TCERG1: variants seen among roughly 807,000 people sequenced by gnomAD.
The protein encoded by TCERG1 is TATA box binding protein (TBP)-associated factor, RNA polymerase II, S, 150kD.
In TCERG1, 37 loss-of-function variants were observed where a neutral mutation model predicts 144.7. That is an observed-to-expected ratio of 0.26 (90% CI 0.20 to 0.34). TCERG1 has a LOEUF of 0.34. TCERG1 is among the 10% of genes least tolerant of loss of function. TCERG1 has a pLI of 1.00. For synonymous variants in TCERG1, 492 were observed against 458.2 expected (o/e 1.07, Z -0.94); for missense variants, 1,027 against 1,380.7 (o/e 0.74, Z 4.06).
At position 146,470,655 on chromosome 5, in the gene TCERG1, T is replaced by G. The variant is rs562829737; in HGVS notation, c.1419T>G (p.Ile473Met). Residue 473 changes from isoleucine (I) to methionine (M), a missense_variant, in exon 8 of 23, where the codon ATT becomes ATG. Ile to Met is a conservative substitution (Grantham distance 10, BLOSUM62 1). This residue lies in a region of TCERG1 where 482 missense variants were observed against 632.6 expected (regional missense o/e 0.76). Coordinates refer to ENST00000679501, the MANE Select transcript of TCERG1 (RefSeq NM_001382548.1). Reference protein sequence around the residue: ...LKEKEKLEEKIKEPIKEPSEE... With the variant: ...LKEKEKLEEKMKEPIKEPSEE... Reference sequence around the variant, plus strand: ...TCATAGAAAAGTTAGAAGAGAAGATTAAAGAGCCAATTAAAGAACCCTCTG... The same window carrying G: ...TCATAGAAAAGTTAGAAGAGAAGATGAAAGAGCCAATTAAAGAACCCTCTG... 1.9e-6 allele frequency: 3 copies of G among 1,607,150 alleles called. No homozygotes were observed. The highest frequency in any genetic ancestry group is 1.7e-5 in the Admixed American group (1 of 58,106).
chr5:146,504,890 T>C (rs1767807797), intron 19 of TCERG1, among the ~76,000 whole-genome samples: 1 of 151,878 alleles, frequency 6.6e-6, no homozygotes. Context: ...CTAATAAAAA[T>C]ACAAAATTAG....
intron 2 of TCERG1, among the ~76,000 whole-genome samples, chr5:146,456,610 T>C (rs186591142): frequency 2.5e-4 from 38 of 152,336 alleles, no homozygotes; most frequent in African/African-American, 8.2e-4. Context: ...AAGACATTTT[T>C]AGGAAAATAA....
At chr5:146,496,021 T>A (rs964167313) in intron 16 of TCERG1, among the ~76,000 whole-genome samples, 4 of 152,006 alleles carry the variant, frequency 2.6e-5, no homozygotes, top group Admixed American at 6.6e-5. Context: ...GGTGTGGTGG[T>A]GGGCGCCTGT....
intron 22 of TCERG1, among the ~76,000 whole-genome samples, chr5:146,509,672 A>G (rs3797303): frequency 0.14 from 21,156 of 151,530 alleles, 2,488 homozygotes; most frequent in East Asian, 0.72. Flanking sequence ...AGCTCAGCAT[A>G]AACATTTTTT....
chr5:146,492,080 A>G (rs534197285), intron 15 of TCERG1, among the ~76,000 whole-genome samples: 8 of 152,326 alleles, frequency 5.3e-5, no homozygotes, highest in Non-Finnish European at 1.0e-4. Context: ...GGCAGTGCCC[A>G]GAAACATTAA....
At chr5:146,499,340 T>A (rs931708478) in intron 17 of TCERG1, among the ~76,000 whole-genome samples, 15 of 152,236 alleles carry the variant, frequency 9.9e-5, no homozygotes, top group African/African-American at 3.6e-4. Flanking sequence ...ATTCTTGACA[T>A]TTAAAATTGC....
At chr5:146,485,388 T>A (rs1026566499) in intron 15 of TCERG1, among the ~76,000 whole-genome samples, 8 of 152,228 alleles carry the variant, frequency 5.3e-5, no homozygotes, top group Non-Finnish European at 8.8e-5. Context: ...ATATAAATTG[T>A]ATGAGGCTAG....
At position 146,511,258 on chromosome 5, in the gene TCERG1, C is replaced by T. The variant is rs912937725; in HGVS notation, c.*616C>T. On this transcript the variant is annotated 3_prime_UTR_variant, in exon 23 of 23. Coordinates refer to ENST00000679501, the MANE Select transcript of TCERG1 (RefSeq NM_001382548.1). ...TAAGAGAAGATTTATGTAGTAATTT[C>T]TTCTCAGGTATGGAACCACGGTCAT... The T allele has an allele frequency of 3.3e-5, 5 of 152,582 alleles. No homozygotes were observed. Among genetic ancestry groups the T allele is most frequent in the Non-Finnish European group, 7.4e-5 (5 of 68,026 alleles). 9.5% of individuals were successfully genotyped at this position (152,582 alleles called of 1,614,324 possible).
rs193166155 is a variant in TCERG1, at chr5:146,455,546, G to C, written c.285+265G>C. ...AGTTTTTACCTACCTTTAGCTCTGT[G>C]AATTGGCTTTAGTAATGCATCTTCT... On this transcript the variant is annotated intron_variant, in intron 2 of 22. Transcript: ENST00000679501. 2.6e-5 allele frequency among the ~76,000 whole-genome samples: 4 copies of C among 152,330 alleles called. No individual in the cohort carries two copies. In the East Asian group the frequency reaches 7.7e-4, roughly 29 times the overall value.
chr5:146,502,645 A>G lies in TCERG1; in HGVS notation c.2434-730A>G, dbSNP rs189196512. Among the ~76,000 whole-genome samples, 368 of 152,296 alleles carry G rather than the reference A, an allele frequency of 2.4e-3. 4 individuals are homozygous for G. The highest frequency in any genetic ancestry group is 8.5e-3 in the African/African-American group (354 of 41,570). ...TGGTATTTCAGTTGTTGAGTATAAT[A>G]CTGGATAAACACTTAACATTCTGAG... On this transcript the variant is annotated intron_variant, in intron 17 of 22. Transcript: ENST00000679501.
chr5:146,447,375 G>A lies in TCERG1; in HGVS notation c.26G>A (p.Gly9Asp). Reference sequence around the variant, plus strand: ...ATGGCGGAGCGTGGCGGGGACGGGGGCGAGAGTGAACGATTCAACCCGGGG... The same window carrying A: ...ATGGCGGAGCGTGGCGGGGACGGGGACGAGAGTGAACGATTCAACCCGGGG... Reference protein sequence around the residue: MAERGGDGGESERFNPGEL... With the variant: MAERGGDGDESERFNPGEL... The change falls in exon 1 of 23, where the codon GGC becomes GAC. Residue 9 changes from glycine (G) to aspartate (D), a missense_variant. Transcript: ENST00000679501. 6.2e-7 allele frequency: 1 copy of A among 1,611,848 alleles called. No individual in the cohort carries two copies. Among genetic ancestry groups the A allele is most frequent in the Non-Finnish European group, 8.5e-7 (1 of 1,179,198 alleles).
chr5:146,507,351 A>C lies in TCERG1; in HGVS notation c.2961+144A>C. The C allele has an allele frequency of 1.4e-6, 1 of 735,764 alleles. No homozygotes were observed. The highest frequency in any genetic ancestry group is 3.0e-5 in the East Asian group (1 of 33,000). The allele number at this position is 735,764 out of a possible 1,614,324, so 45.6% of individuals were successfully genotyped here. A position where few individuals can be genotyped will look rare whatever the true frequency, so the allele number is the denominator to read the frequency against. Reference sequence around the variant, plus strand: ...CTTATGACAATTCTCTGATTTTAAAAAATTATGGTATTCTTATTTATTTAG... The same window carrying C: ...CTTATGACAATTCTCTGATTTTAAACAATTATGGTATTCTTATTTATTTAG... On this transcript the variant is annotated intron_variant, in intron 20 of 22. Transcript: ENST00000679501. This position sits in a 1 kb window ranked among gnomAD's most constrained non-coding sequence, Gnocchi z 4.6.
intron 4 of TCERG1, 78 bp downstream of exon 4, chr5:146,459,415 C>G (rs1763152908): frequency 6.5e-7 from 1 of 1,535,268 alleles, no homozygotes; most frequent in East Asian, 2.3e-5. Flanking sequence ...CATATTGATC[C>G]CAGTGTTTCT....
At chr5:146,501,194 A>G (rs1767409147) in intron 17 of TCERG1, among the ~76,000 whole-genome samples, 1 of 152,048 alleles carries the variant, frequency 6.6e-6, no homozygotes, top group Non-Finnish European at 1.5e-5. Flanking sequence ...AAATTGACAT[A>G]TTTTTCTCTT....
In TCERG1 at chr5:146,447,470, A is replaced by T; in HGVS notation, c.59+62A>T. On this transcript the variant is annotated intron_variant, in intron 1 of 22. Transcript: ENST00000679501. ...GAGAGCCCCAGAGGCTAGACGCTAG[A>T]CCTGCCATGTGGAGATCCGGGGCGG... 2.6e-6 allele frequency: 4 copies of T among 1,567,132 alleles called. No individual in the cohort carries two copies. In the South Asian group the frequency reaches 4.6e-5, roughly 18 times the overall value.
chr5:146,506,384 T>G (rs1361230489), intron 19 of TCERG1, among the ~76,000 whole-genome samples: 1 of 152,210 alleles, frequency 6.6e-6, no homozygotes, highest in Non-Finnish European at 1.5e-5. Context: ...AAAAATTGTT[T>G]TGAGAAGTCA....
intron 4 of TCERG1, among the ~76,000 whole-genome samples, chr5:146,463,177 C>G (rs1357845214): frequency 2.6e-5 from 4 of 152,158 alleles, no homozygotes; most frequent in Non-Finnish European, 5.9e-5. Context: ...GTTCTTTACT[C>G]TTTGCCTTAT....
In TCERG1 at chr5:146,510,634, A is replaced by C; in HGVS notation, c.3340A>C (p.Thr1114Pro). The C allele has an allele frequency of 6.2e-7, 1 of 1,608,328 alleles. No homozygotes were observed. Among genetic ancestry groups the C allele is most frequent in the Non-Finnish European group, 8.5e-7 (1 of 1,175,790 alleles). ...PTASEPTRRS[T>P]K ...AGCATCGGAGCCCACGAGACGATCA[A>C]CAAAATAATTCTAAATACTCTTCCA... The change falls in exon 23 of 23, where the codon ACA becomes CCA. Residue 1114 changes from threonine to proline, a missense_variant. Thr to Pro is a conservative substitution (Grantham distance 38). Transcript: ENST00000679501.
intron 19 of TCERG1, among the ~76,000 whole-genome samples, chr5:146,505,832 A>G (rs1767939777): frequency 6.6e-6 from 1 of 152,084 alleles, no homozygotes; most frequent in Non-Finnish European, 1.5e-5. Context: ...GCTGGAGTGC[A>G]GTGGCATGAT....
Sources: allele counts gnomAD v4.1 joint callset (sites outside exome capture counted in the v4.1 genomes callset), GRCh38; gene constraint gnomAD v4.1.1; regional missense constraint gnomAD v4.1.1; non-coding constraint Gnocchi (gnomAD v3.1); transcripts MANE v1.5; gene names NCBI Gene and HGNC (gene_info 2026-07-23, HGNC 2026-07-21).